The following SCOC variants were observed in gnomAD, a reference collection of about 807,000 sequenced individuals.
SCOC encodes the protein short coiled-coil protein, also known as short coiled coil protein.
SCOC carries 7 observed loss-of-function variants against 9.9 expected under a neutral mutation model. The ratio of observed to expected loss-of-function variants is 0.71; its 90% CI spans 0.40 to 1.33. The LOEUF (loss-of-function observed/expected upper bound fraction) is 1.33, where lower values mean the gene tolerates loss of function less well. Ranked by LOEUF, SCOC falls within the 40% of genes most tolerant of loss-of-function variation. SCOC has a pLI of 0.01. For missense variants in SCOC, 66 were observed against 89.7 expected (o/e 0.74, Z 1.07); for synonymous variants, 19 against 28.2 (o/e 0.67, Z 1.03).
intron 1 of SCOC, among the ~76,000 whole-genome samples, chr4:140,269,092 T>C (rs1473532939): frequency 1.3e-5 from 2 of 152,130 alleles, no homozygotes; most frequent in East Asian, 3.9e-4. Flanking sequence ...CAGAGTACAA[T>C]TATAAAGCCC....
chr4:140,299,014 C>T (rs967380560), intron 1 of SCOC, among the ~76,000 whole-genome samples: 71 of 152,218 alleles, frequency 4.7e-4, no homozygotes, highest in African/African-American at 1.7e-3. Flanking sequence ...GACAGGGTCT[C>T]ACTATGTTGC....
intron 1 of SCOC, among the ~76,000 whole-genome samples, chr4:140,287,426 G>A (rs1183869452): frequency 6.8e-6 from 1 of 147,438 alleles, no homozygotes; most frequent in Non-Finnish European, 1.5e-5. Context: ...ACACTACACA[G>A]ACCATGCACA....
intron 1 of SCOC, among the ~76,000 whole-genome samples, chr4:140,273,402 CTTCTTTGGAAAGATATTTTT>C (rs1730894960): frequency 6.6e-6 from 1 of 152,138 alleles, no homozygotes; most frequent in Non-Finnish European, 1.5e-5. Flanking sequence ...GTTTATACAT[CTTCTTTGGAAAGATATTTTT>C]TTCTTTTACA....
intron 1 of SCOC, among the ~76,000 whole-genome samples, chr4:140,288,434 T>C (rs1471668229): frequency 6.8e-6 from 1 of 147,620 alleles, no homozygotes. Flanking sequence ...CAGGTACACA[T>C]CACACATGTA....
intron 2 of SCOC, among the ~76,000 whole-genome samples, chr4:140,349,658 T>C (rs1256587852): frequency 6.6e-6 from 1 of 152,134 alleles, no homozygotes; most frequent in Non-Finnish European, 1.5e-5. Context: ...CATATGTCAT[T>C]CCTTCTTTCT....
chr4:140,275,735 C>T (rs1578761168), intron 1 of SCOC, among the ~76,000 whole-genome samples: 1 of 151,336 alleles, frequency 6.6e-6, no homozygotes, highest in African/African-American at 2.4e-5. Context: ...GGGATTGATG[C>T]TTAAATTCCT....
intron 1 of SCOC, among the ~76,000 whole-genome samples, chr4:140,273,559 A>T (rs547496655): frequency 1.3e-5 from 2 of 152,162 alleles, no homozygotes; most frequent in South Asian, 4.2e-4. Flanking sequence ...AATCAAGCAG[A>T]TCACAAAATG....
upstream of SCOC, chr4:140,373,533 G>A (rs1474426974): frequency 1.2e-5 from 19 of 1,551,608 alleles, no homozygotes; most frequent in Non-Finnish European, 1.6e-5. Flanking sequence ...GAGGCGGGCA[G>A]CTAATGCGCA....
At chr4:140,269,828 G>A (rs1347941296) in intron 1 of SCOC, among the ~76,000 whole-genome samples, 3 of 152,020 alleles carry the variant, frequency 2.0e-5, no homozygotes, top group Admixed American at 1.3e-4. Flanking sequence ...ATAACTCACT[G>A]TAACCTTAAT....
Position 140,315,947 on chromosome 4 carries a change from A to T in SCOC, c.-18-27674A>T, listed in dbSNP as rs565724036. Among the ~76,000 whole-genome samples the T allele has an allele frequency of 2.0e-5, 3 of 152,212 alleles. No homozygotes were observed. The South Asian group carries it at 6.2e-4, about 32-fold the overall frequency. ...GTTGCAGTGGCTTTTTCGGTGGTGA[A>T]ACATTTCCAGAAATAAGAAAATAAG... On this transcript the variant is annotated intron_variant, in intron 1 of 4. Transcript: ENST00000394205.
intron 1 of SCOC, among the ~76,000 whole-genome samples, chr4:140,264,652 C>T (rs985712433): frequency 3.3e-5 from 5 of 152,198 alleles, no homozygotes; most frequent in Admixed American, 6.5e-5. Context: ...CCAACCAAAA[C>T]AATTCATCCT....
upstream of SCOC, among the ~76,000 whole-genome samples, chr4:140,342,715 T>C (rs1726555593): frequency 6.6e-6 from 1 of 152,218 alleles, no homozygotes; most frequent in Admixed American, 6.5e-5. Context: ...GAGTGATTAT[T>C]TGAAATTCTA....
upstream of SCOC, among the ~76,000 whole-genome samples, chr4:140,371,169 G>A (rs1458030895): frequency 1.3e-5 from 2 of 152,046 alleles, no homozygotes; most frequent in African/African-American, 4.8e-5. Flanking sequence ...ACAGCCGTGA[G>A]CCACCGCGCC....
chr4:140,327,940 T>G (rs761025654), intron 1 of SCOC, among the ~76,000 whole-genome samples: 4 of 152,122 alleles, frequency 2.6e-5, no homozygotes, highest in Non-Finnish European at 4.4e-5. Flanking sequence ...GACAAGATAT[T>G]CAAAGATCTC....
intron 2 of SCOC, among the ~76,000 whole-genome samples, chr4:140,362,299 C>CTTTTTT (rs1183789218): frequency 5.7e-4 from 22 of 38,356 alleles, no homozygotes; most frequent in Non-Finnish European, 1.0e-3. Context: ...TCTTCTTCTT[C>CTTTTTT]TTTTTTTTTT....
chr4:140,337,249 C>G (rs1344570051), intron 1 of SCOC, among the ~76,000 whole-genome samples: 1 of 152,086 alleles, frequency 6.6e-6, no homozygotes, highest in Non-Finnish European at 1.5e-5. Context: ...TTTATGAAGT[C>G]CAATTTATCT....
upstream of SCOC, chr4:140,373,467 G>A: frequency 1.9e-6 from 3 of 1,549,558 alleles, no homozygotes; most frequent in Non-Finnish European, 2.6e-6. Flanking sequence ...GGATGTCAGT[G>A]TCCTTTTGTT....
At chr4:140,315,827 CT>C (rs36013431) in intron 1 of SCOC, among the ~76,000 whole-genome samples, 6 of 152,158 alleles carry the variant, frequency 3.9e-5, no homozygotes, top group African/African-American at 1.4e-4. Context: ...TGCCTCAGGC[CT>C]TTTTTCCACC....
chr4:140,343,628 A>G, exon 2 of SCOC: 1 of 1,612,192 alleles, frequency 6.2e-7, no homozygotes, highest in Non-Finnish European at 8.5e-7. Flanking sequence ...CAGGTCTGAA[A>G]ATTGAACAAG....
Sources: allele counts gnomAD v4.1 joint callset (sites outside exome capture counted in the v4.1 genomes callset), GRCh38; gene constraint gnomAD v4.1.1; transcripts MANE v1.5; gene names NCBI Gene and HGNC (gene_info 2026-07-23, HGNC 2026-07-21).